The following FGF14 variants were observed in gnomAD, a reference collection of about 807,000 sequenced individuals.
FGF14 encodes fibroblast growth factor homologous factor 4.
In FGF14, 5 loss-of-function variants were observed where a neutral mutation model predicts 25.5. The ratio of observed to expected loss-of-function variants is 0.20; its 90% CI spans 0.10 to 0.41. The LOEUF (loss-of-function observed/expected upper bound fraction) is 0.41. FGF14 is among the 10% of genes least tolerant of loss of function. The probability of loss-of-function intolerance (pLI) is 1.00; values close to 1 mark genes in which losing one functional copy is unlikely to be tolerated. For synonymous variants in FGF14, 138 were observed against 118.3 expected, an observed-to-expected ratio of 1.17 and a Z score of -1.08; for missense variants, 222 against 320.1, an observed-to-expected ratio of 0.69 and a Z score of 2.34.
chr13:102,302,786 C>G (rs74688359), intron 1 of FGF14, among the ~76,000 whole-genome samples: 1 of 152,114 alleles, frequency 6.6e-6, no homozygotes, highest in African/African-American at 2.4e-5. Flanking sequence ...TCTCTACTCT[C>G]TCCACCAAAA....
At chr13:102,380,358 A>G (rs879923156) in intron 1 of FGF14, among the ~76,000 whole-genome samples, 32 of 152,098 alleles carry the variant, frequency 2.1e-4, no homozygotes, top group Non-Finnish European at 2.6e-4. Flanking sequence ...CAAATGCCCA[A>G]TTATATCTAG....
At chr13:102,231,665 G>C (rs7317530) in intron 1 of FGF14, among the ~76,000 whole-genome samples, 1 of 152,070 alleles carries the variant, frequency 6.6e-6, no homozygotes, top group African/African-American at 2.4e-5. Flanking sequence ...TGGCTATCTC[G>C]TTACTCATGA....
At chr13:101,745,832 G>A (rs2036851435) in intron 3 of FGF14, among the ~76,000 whole-genome samples, 1 of 151,932 alleles carries the variant, frequency 6.6e-6, no homozygotes, top group Non-Finnish European at 1.5e-5. Context: ...ACCTACATAT[G>A]GAGGTGAAAT....
chr13:102,117,586 G>A (rs915413745), intron 1 of FGF14, among the ~76,000 whole-genome samples: 1 of 152,118 alleles, frequency 6.6e-6, no homozygotes, highest in Non-Finnish European at 1.5e-5. Context: ...TTTATAATAG[G>A]AGAAGCCAGG....
intron 1 of FGF14, among the ~76,000 whole-genome samples, chr13:102,042,890 AT>A (rs1390303318): frequency 6.6e-6 from 1 of 152,190 alleles, no homozygotes; most frequent in Non-Finnish European, 1.5e-5. Flanking sequence ...GGCTTTGCGT[AT>A]TGTAGAATAT....
chr13:102,355,636 A>G (rs924443957), intron 1 of FGF14, among the ~76,000 whole-genome samples: 1 of 151,064 alleles, frequency 6.6e-6, no homozygotes, highest in Non-Finnish European at 1.5e-5. Flanking sequence ...TACAAGCATG[A>G]GGTATTCTGT....
intron 1 of FGF14, among the ~76,000 whole-genome samples, chr13:102,158,500 TCA>T (rs1242042593): frequency 8.3e-6 from 1 of 120,634 alleles, no homozygotes; most frequent in Non-Finnish European, 1.6e-5. Context: ...AAGGGGAACA[TCA>T]CACACTGGGG....
intron 1 of FGF14, among the ~76,000 whole-genome samples, chr13:102,359,047 C>A (rs1320136152): frequency 1.3e-5 from 2 of 152,156 alleles, no homozygotes; most frequent in Non-Finnish European, 2.9e-5. Flanking sequence ...AAGCCATTAT[C>A]CTCAGCAAAC....
chr13:101,817,441 T>A (rs953075419), intron 3 of FGF14, among the ~76,000 whole-genome samples: 6 of 152,120 alleles, frequency 3.9e-5, no homozygotes, highest in Non-Finnish European at 8.8e-5. Flanking sequence ...TCTTCAAATT[T>A]AAAAAAAGGT....
chr13:102,034,288 G>T (rs1351246382), intron 1 of FGF14, among the ~76,000 whole-genome samples: 2 of 152,116 alleles, frequency 1.3e-5, no homozygotes, highest in East Asian at 3.9e-4. Flanking sequence ...ACCTGATGGA[G>T]TCACAATGTT....
intron 1 of FGF14, among the ~76,000 whole-genome samples, chr13:102,144,591 G>A (rs940561351): frequency 6.6e-6 from 1 of 152,080 alleles, no homozygotes; most frequent in Non-Finnish European, 1.5e-5. Flanking sequence ...ACAAAACTTT[G>A]AAATAATTAT....
chr13:102,246,006 AT>A (rs1487138318), intron 1 of FGF14, among the ~76,000 whole-genome samples: 18 of 151,992 alleles, frequency 1.2e-4, no homozygotes. Context: ...AACATTACCA[AT>A]GTTTTGTTTC....
chr13:102,321,141 A>G (rs891042240), intron 1 of FGF14, among the ~76,000 whole-genome samples: 1 of 152,146 alleles, frequency 6.6e-6, no homozygotes, highest in Non-Finnish European at 1.5e-5. Context: ...TAACTGCCAA[A>G]TGTCTATATA....
upstream of FGF14, among the ~76,000 whole-genome samples, chr13:101,921,286 A>G (rs139577515): frequency 2.6e-4 from 39 of 152,288 alleles, no homozygotes; most frequent in African/African-American, 9.4e-4. Flanking sequence ...TTCCTCTACT[A>G]ACACCAGCAA....
At chr13:102,391,390 G>C (rs918293785) in intron 1 of FGF14, among the ~76,000 whole-genome samples, 1 of 152,264 alleles carries the variant, frequency 6.6e-6, no homozygotes, top group East Asian at 1.9e-4. Context: ...TGCCACACAT[G>C]TACCAGAATG....
intron 1 of FGF14, among the ~76,000 whole-genome samples, chr13:102,238,234 G>A (rs2141017747): frequency 6.6e-6 from 1 of 152,254 alleles, no homozygotes; most frequent in South Asian, 2.1e-4. Context: ...TTTAAGAGAT[G>A]AGATAAAGGT....
At chr13:101,776,241 A>G (rs190431358) in intron 3 of FGF14, among the ~76,000 whole-genome samples, 1 of 152,190 alleles carries the variant, frequency 6.6e-6, no homozygotes, top group South Asian at 2.1e-4. Flanking sequence ...TTTGTCAGCT[A>G]ATCAGCCAGA....
intron 3 of FGF14, among the ~76,000 whole-genome samples, chr13:101,812,906 A>C (rs968175307): frequency 7.2e-5 from 11 of 151,810 alleles, no homozygotes; most frequent in Admixed American, 1.3e-4. Context: ...ACCTCAGGTG[A>C]TCCACCTGCC....
Position 101,720,454 on chromosome 13 carries a change from T to TAAAC in FGF14, c.*2373_*2376dup, listed in dbSNP as rs1389687523. 1 of 151,922 alleles carries TAAAC rather than the reference T, an allele frequency of 6.6e-6. No homozygotes were observed. Among genetic ancestry groups the TAAAC allele is most frequent in the African/African-American group, 2.4e-5 (1 of 41,376 alleles). The allele number at this position is 151,922 out of a possible 1,614,324, so 9.4% of individuals were successfully genotyped here. ...TAAATCTTGTCTTAATTTAAACCAA[T>TAAAC]AAACAGACTTGCAGGGGAAAAAGAA... On this transcript the variant is annotated 3_prime_UTR_variant, in exon 5 of 5. Transcript: ENST00000376143.
Sources: gnomAD v4.1 joint callset for allele counts (sites outside exome capture counted in the v4.1 genomes callset) on GRCh38, gnomAD v4.1.1 for gene constraint, MANE v1.5 for transcripts, NCBI Gene and HGNC (gene_info 2026-07-23, HGNC 2026-07-21) for gene names.